Variants in LDLRAD3 observed in about 807,000 individuals in gnomAD.
LDLRAD3 encodes low-density lipoprotein receptor class A domain-containing protein 3.
A neutral mutation model predicts 29.4 loss-of-function variants in LDLRAD3; 20 were observed. That is an observed-to-expected ratio of 0.68 (90% CI 0.48 to 0.99). LDLRAD3 has a LOEUF of 0.99. Among genes scored for constraint, LDLRAD3 ranks in the 50% least tolerant of loss-of-function variants. The probability of loss-of-function intolerance (pLI) is 0.00; values close to 1 mark genes in which losing one functional copy is unlikely to be tolerated. For synonymous variants in LDLRAD3, 157 were observed against 192.7 expected, an observed-to-expected ratio of 0.81 and a Z score of 1.53; for missense variants, 420 against 454.3, an observed-to-expected ratio of 0.92 and a Z score of 0.69.
rs146486254 is a variant in LDLRAD3, at chr11:36,063,622, G to A, written c.194-18031G>A. ...ATATGGAATATAGGAGTCCAGTTTCGTTCTTTTATATGTGAATTTCCAGTT... is the reference window on the plus strand; with the variant it reads ...ATATGGAATATAGGAGTCCAGTTTCATTCTTTTATATGTGAATTTCCAGTT... On this transcript the variant is annotated intron_variant, in intron 2 of 5. Transcript: ENST00000315571. 1.9e-3 allele frequency among the ~76,000 whole-genome samples: 293 copies of A among 152,218 alleles called. 2 individuals carry two copies. Among genetic ancestry groups the A allele is most frequent in the East Asian group, 0.012 (62 of 5,180 alleles).
At chr11:36,210,901 G>A (rs912037312) in intron 4 of LDLRAD3, among the ~76,000 whole-genome samples, 6 of 152,108 alleles carry the variant, frequency 3.9e-5, no homozygotes. Flanking sequence ...GCGGGAGAGG[G>A]GTGTGCTTGA....
chr11:36,133,764 C>G (rs944796411), intron 4 of LDLRAD3, among the ~76,000 whole-genome samples: 28 of 147,628 alleles, frequency 1.9e-4, no homozygotes, highest in African/African-American at 7.0e-4. Context: ...GTCTTGATCT[C>G]CTGACCTTGT....
intron 4 of LDLRAD3, among the ~76,000 whole-genome samples, chr11:36,118,512 TGAGAGAGAGAGAGAGAAG>T (rs1697957117): frequency 6.7e-6 from 1 of 148,500 alleles, no homozygotes. Context: ...TGTGTGTGTG[TGAGAGAGAGAGAGAGAAG>T]GAGGGAGAGA....
chr11:36,068,966 T>C (rs543446065), intron 2 of LDLRAD3, among the ~76,000 whole-genome samples: 123 of 152,374 alleles, frequency 8.1e-4, no homozygotes, highest in Non-Finnish European at 1.5e-3. Flanking sequence ...GGATGCCTTC[T>C]TTCTGTATTT....
intron 1 of LDLRAD3, among the ~76,000 whole-genome samples, chr11:36,021,976 G>T (rs576488056): frequency 3.9e-5 from 6 of 152,142 alleles, no homozygotes; most frequent in Non-Finnish European, 7.3e-5. Flanking sequence ...GTTAATCATG[G>T]TCTCAGCGTT....
intron 2 of LDLRAD3, among the ~76,000 whole-genome samples, chr11:36,075,449 A>G (rs1264225793): frequency 6.6e-6 from 1 of 152,128 alleles, no homozygotes; most frequent in Non-Finnish European, 1.5e-5. Flanking sequence ...CTCATTACTG[A>G]TGATGTTGAC....
At chr11:35,961,640 T>C (rs1851279214) in intron 1 of LDLRAD3, among the ~76,000 whole-genome samples, 1 of 152,224 alleles carries the variant, frequency 6.6e-6, no homozygotes, top group South Asian at 2.1e-4. Context: ...GTTGAATAAA[T>C]GAATGAGTTT....
chr11:36,072,656 G>A (rs1307595712), intron 2 of LDLRAD3, among the ~76,000 whole-genome samples: 1 of 152,184 alleles, frequency 6.6e-6, no homozygotes, highest in Non-Finnish European at 1.5e-5. Flanking sequence ...CTGGACTATA[G>A]ACCAGTCTGA....
At chr11:36,068,368 A>G (rs1372617521) in intron 2 of LDLRAD3, among the ~76,000 whole-genome samples, 1 of 152,204 alleles carries the variant, frequency 6.6e-6, no homozygotes, top group African/African-American at 2.4e-5. Flanking sequence ...CTCTACATGC[A>G]AAATCTCATT....
intron 2 of LDLRAD3, among the ~76,000 whole-genome samples, chr11:36,056,803 C>G (rs551299909): frequency 2.6e-5 from 4 of 152,296 alleles, no homozygotes; most frequent in East Asian, 1.9e-4. Context: ...TCAGGGCACT[C>G]TCCACTAAAT....
chr11:36,098,497 A>G lies in LDLRAD3; in HGVS notation c.454+36A>G, dbSNP rs528265275. ...CTCAAGCTCTAAAAAGATAATTGCA[A>G]CACAACACTGCAGTAATGGAACACC... On this transcript the variant is annotated intron_variant, in intron 4 of 5. Coordinates refer to ENST00000315571, the MANE Select transcript of LDLRAD3 (RefSeq NM_174902.4). 22 of 1,612,384 alleles carry G rather than the reference A, an allele frequency of 1.4e-5. No homozygotes were observed. In the South Asian group the frequency reaches 2.3e-4, roughly 17 times the overall value.
intron 1 of LDLRAD3, among the ~76,000 whole-genome samples, chr11:35,966,802 A>G (rs1449607085): frequency 1.3e-5 from 2 of 152,226 alleles, no homozygotes; most frequent in African/African-American, 2.4e-5. Flanking sequence ...CCACTTCCAC[A>G]AAGGGGTTGG....
intron 1 of LDLRAD3, among the ~76,000 whole-genome samples, chr11:35,980,120 A>T (rs963119018): frequency 6.6e-6 from 1 of 152,240 alleles, no homozygotes; most frequent in African/African-American, 2.4e-5. Context: ...TAATGAGTTC[A>T]TCAGTTTGCA....
chr11:36,162,733 C>T (rs1854460863), intron 4 of LDLRAD3, among the ~76,000 whole-genome samples: 1 of 152,190 alleles, frequency 6.6e-6, no homozygotes, highest in African/African-American at 2.4e-5. Context: ...GGATCCTGAG[C>T]TTGGCTAATG....
chr11:36,001,808 C>T lies in LDLRAD3; in HGVS notation c.47-34295C>T, dbSNP rs992461932. Among the ~76,000 whole-genome samples, 25 of 150,098 alleles carry T rather than the reference C, an allele frequency of 1.7e-4. No homozygotes were observed. The East Asian group carries it at 4.1e-3, about 25-fold the overall frequency. ...GTGTGTGTGTGCACATAATTTGTAACGTTCTTTTTAAATTTTATATACAGC... is the reference window on the plus strand; with the variant it reads ...GTGTGTGTGTGCACATAATTTGTAATGTTCTTTTTAAATTTTATATACAGC... On this transcript the variant is annotated intron_variant, in intron 1 of 5. Coordinates refer to ENST00000315571, the MANE Select transcript of LDLRAD3 (RefSeq NM_174902.4).
chr11:36,139,614 C>G (rs1048282882), intron 4 of LDLRAD3, among the ~76,000 whole-genome samples: 3 of 152,210 alleles, frequency 2.0e-5, no homozygotes, highest in African/African-American at 7.2e-5. Flanking sequence ...AGGCTCAGAG[C>G]GGGTAAGTAA....
intron 2 of LDLRAD3, among the ~76,000 whole-genome samples, chr11:36,042,186 G>A (rs749179953): frequency 1.6e-4 from 24 of 152,156 alleles, no homozygotes; most frequent in Admixed American, 1.2e-3. Context: ...CATCTGCCTC[G>A]TCTTCTGCCT....
At chr11:36,071,480 A>G (rs1173084579) in intron 2 of LDLRAD3, among the ~76,000 whole-genome samples, 3 of 152,196 alleles carry the variant, frequency 2.0e-5, no homozygotes, top group Non-Finnish European at 4.4e-5. Context: ...AACACCCCAA[A>G]TGTCCATCAG....
At chr11:35,982,876 C>T (rs981550943) in intron 1 of LDLRAD3, among the ~76,000 whole-genome samples, 13 of 106,408 alleles carry the variant, frequency 1.2e-4, no homozygotes, top group African/African-American at 4.2e-4. Context: ...TTTTTTGAGA[C>T]GGAGTCTTGC....
Sources: gnomAD v4.1 joint callset for allele counts (sites outside exome capture counted in the v4.1 genomes callset) on GRCh38, gnomAD v4.1.1 for gene constraint, MANE v1.5 for transcripts, NCBI Gene and HGNC (gene_info 2026-07-23, HGNC 2026-07-21) for gene names.